Variants in SYNCRIP observed in about 807,000 individuals in gnomAD.
SYNCRIP encodes the protein synaptotagmin binding cytoplasmic RNA interacting protein, also known as heterogeneous nuclear ribonucleoprotein Q.
In SYNCRIP, 9 loss-of-function variants were observed where a neutral mutation model predicts 68.9. The observed-to-expected ratio is 0.13, with a 90% confidence interval of 0.08 to 0.23. SYNCRIP has a LOEUF of 0.23. SYNCRIP is among the 10% of genes least tolerant of loss of function. SYNCRIP has a pLI of 1.00. For missense variants in SYNCRIP, 414 were observed against 770.6 expected, an observed-to-expected ratio of 0.54 and a Z score of 5.48; for synonymous variants, 258 against 254.0, an observed-to-expected ratio of 1.02 and a Z score of -0.15.
Position 85,637,351 on chromosome 6 carries a change from G to A in SYNCRIP, c.381C>T (p.Leu127=). The A allele has an allele frequency of 1.2e-6, 2 of 1,608,498 alleles. No homozygotes were observed. Among genetic ancestry groups the A allele is most frequent in the South Asian group, 2.2e-5 (2 of 89,806 alleles). The change falls in exon 5 of 11, where the codon CTC becomes CTT. Residue 127 remains leucine (L), a synonymous_variant. Coordinates refer to ENST00000369622, the MANE Select transcript of SYNCRIP (RefSeq NM_006372.5). ...CAAGTGTGTAGCCTGTTCTTTCCAA[G>A]AGTGCCTTGAAAAGTTCAAACGTCA... ...KGPDEAKIKA[L]LERTGYTLDV...
intron 6 of SYNCRIP, among the ~76,000 whole-genome samples, chr6:85,629,432 C>T (rs1447105618): frequency 1.4e-5 from 2 of 141,194 alleles, no homozygotes; most frequent in African/African-American, 2.6e-5. Flanking sequence ...CTACATTCAT[C>T]AAAATGGCTG....
intron 6 of SYNCRIP, among the ~76,000 whole-genome samples, chr6:85,633,563 C>G (rs554189617): frequency 1.3e-5 from 2 of 152,262 alleles, no homozygotes; most frequent in African/African-American, 4.8e-5. Context: ...TGCACCCCAG[C>G]CTGGGCAACA....
intron 8 of SYNCRIP, among the ~76,000 whole-genome samples, chr6:85,621,472 G>A (rs1192823316): frequency 6.6e-6 from 1 of 152,038 alleles, no homozygotes; most frequent in Admixed American, 6.5e-5. Flanking sequence ...AATTAGCCAG[G>A]TGTGGTAGTA....
At chr6:85,629,308 T>C (rs1226075212) in intron 6 of SYNCRIP, among the ~76,000 whole-genome samples, 1 of 152,100 alleles carries the variant, frequency 6.6e-6, no homozygotes, top group Non-Finnish European at 1.5e-5. Context: ...GTAACAGTAG[T>C]CTTTCATGTT....
intron 6 of SYNCRIP, among the ~76,000 whole-genome samples, chr6:85,628,166 C>T (rs968957645): frequency 4.6e-5 from 7 of 152,296 alleles, no homozygotes; most frequent in Middle Eastern, 3.4e-3. Context: ...AGTGATTCTC[C>T]TGCCTCAGCC....
intron 6 of SYNCRIP, among the ~76,000 whole-genome samples, chr6:85,636,720 C>T (rs1463363740): frequency 6.6e-6 from 1 of 152,174 alleles, no homozygotes; most frequent in Admixed American, 6.6e-5. Context: ...AAAAACGTCA[C>T]TAAGCCAGAT....
intron 2 of SYNCRIP, 68 bp from the exon 3 acceptor site, chr6:85,640,632 G>A: frequency 1.1e-6 from 1 of 934,664 alleles, no homozygotes; most frequent in Non-Finnish European, 1.6e-6. Context: ...GACTATGTTG[G>A]CAATACAGGT....
chr6:85,640,178 G>C (rs1309876778), intron 4 of SYNCRIP, 43 bp downstream of exon 4: 2 of 1,393,308 alleles, frequency 1.4e-6, no homozygotes, highest in Non-Finnish European at 2.0e-6. Context: ...TTAGGAAACA[G>C]TTAAAATGAC....
At chr6:85,612,777 C>A (rs1805344524), downstream of SYNCRIP, 6 of 1,213,986 alleles carry the variant, frequency 4.9e-6, no homozygotes, top group Non-Finnish European at 6.7e-6. Flanking sequence ...AGGTCTTCTG[C>A]AATAGAATAT....
chr6:85,620,583 C>T (rs1288038442), intron 8 of SYNCRIP, among the ~76,000 whole-genome samples: 1 of 152,168 alleles, frequency 6.6e-6, no homozygotes, highest in Admixed American at 6.5e-5. Flanking sequence ...GATGGAAACA[C>T]GGTTATACAT....
chr6:85,641,107 T>G (rs1809087922), intron 2 of SYNCRIP, among the ~76,000 whole-genome samples, 185 bp downstream of exon 2: 1 of 152,114 alleles, frequency 6.6e-6, no homozygotes, highest in Non-Finnish European at 1.5e-5. Context: ...GCTCCTAACC[T>G]TCTCTTCTTC....
rs759747436 is a variant in SYNCRIP, at chr6:85,637,071, T to C, written c.562A>G (p.Ile188Val). 12 of 1,613,996 alleles carry C rather than the reference T, an allele frequency of 7.4e-6. No individual in the cohort carries two copies. Among genetic ancestry groups the C allele is most frequent in the Non-Finnish European group, 1.0e-5 (12 of 1,180,010 alleles). Residue 188 changes from isoleucine (I) to valine (V), a missense_variant, in exon 6 of 11, where the codon ATA becomes GTA. Physicochemically the swap from Ile to Val is conservative, Grantham distance 29. Transcript: ENST00000369622. ...TCCATCATTAGACGAAGATCCCATA[T>C]AGGTCCAGCTTTCTCAAATAATGGA... ...LVPLFEKAGP[I>V]WDLRLMMDPL...
chr6:85,628,822 G>A (rs1465140876), intron 6 of SYNCRIP, among the ~76,000 whole-genome samples: 2 of 152,070 alleles, frequency 1.3e-5, no homozygotes, highest in East Asian at 1.9e-4. Context: ...AGATCCTGAC[G>A]GTCATCCAAG....
At chr6:85,624,914 A>G (rs1230653667) in intron 6 of SYNCRIP, among the ~76,000 whole-genome samples, 1 of 152,258 alleles carries the variant, frequency 6.6e-6, no homozygotes. Flanking sequence ...CAGCAGCGGC[A>G]ATAATTATTG....
At chr6:85,636,494 A>G (rs1026869551) in intron 6 of SYNCRIP, among the ~76,000 whole-genome samples, 1 of 152,136 alleles carries the variant, frequency 6.6e-6, no homozygotes, top group Admixed American at 6.6e-5. Flanking sequence ...AGTTGGAAAG[A>G]TTACCAGGTC....
At chr6:85,615,805 G>A (rs977796900) in intron 10 of SYNCRIP, among the ~76,000 whole-genome samples, 2 of 152,012 alleles carry the variant, frequency 1.3e-5, no homozygotes, top group Non-Finnish European at 2.9e-5. Context: ...GCGAGACTCT[G>A]ACTCAAAAAA....
intron 6 of SYNCRIP, among the ~76,000 whole-genome samples, chr6:85,626,348 G>C (rs1807030179): frequency 6.6e-6 from 1 of 151,962 alleles, no homozygotes; most frequent in Admixed American, 6.6e-5. Context: ...CATGCAATCA[G>C]TAATTCTAGT....
chr6:85,609,149 G>A (rs1805052039), downstream of SYNCRIP: 1 of 151,920 alleles, frequency 6.6e-6, no homozygotes, highest in Non-Finnish European at 1.5e-5. Context: ...CATAATTAGA[G>A]AGAAAATGAT....
intron 6 of SYNCRIP, among the ~76,000 whole-genome samples, chr6:85,630,892 C>A (rs1182689955): frequency 1.3e-5 from 2 of 152,128 alleles, no homozygotes; most frequent in African/African-American, 4.8e-5. Context: ...CTCATCCAAG[C>A]AAAATCTATT....
Sources: allele counts gnomAD v4.1 joint callset (sites outside exome capture counted in the v4.1 genomes callset), GRCh38; gene constraint gnomAD v4.1.1; transcripts MANE v1.5; gene names NCBI Gene and HGNC (gene_info 2026-07-23, HGNC 2026-07-21).